Variants in IFT74 observed in about 807,000 individuals in gnomAD.
IFT74 encodes intraflagellar transport protein 74 homolog.
In IFT74, 92 loss-of-function variants were observed where a neutral mutation model predicts 96.7. The ratio of observed to expected loss-of-function variants is 0.95; its 90% CI spans 0.80 to 1.13. IFT74 has a LOEUF of 1.13. IFT74 is among the 50% of genes most tolerant of loss of function. The probability of loss-of-function intolerance (pLI) is 0.00; values close to 1 mark genes in which losing one functional copy is unlikely to be tolerated. For missense variants in IFT74, 811 were observed against 698.2 expected, an observed-to-expected ratio of 1.16 and a Z score of -1.82; for synonymous variants, 223 against 213.2, an observed-to-expected ratio of 1.05 and a Z score of -0.40.
At chr9:26,957,860 C>G (rs1420350279) in intron 1 of IFT74, among the ~76,000 whole-genome samples, 2 of 151,578 alleles carry the variant, frequency 1.3e-5, no homozygotes, top group Non-Finnish European at 2.9e-5. Context: ...GTGGCGCGAT[C>G]TCGGCTCACT....
At chr9:27,024,884 C>A (rs545635908) in intron 12 of IFT74, among the ~76,000 whole-genome samples, 1 of 150,426 alleles carries the variant, frequency 6.6e-6, no homozygotes, top group South Asian at 2.1e-4. Context: ...AAAGTTTCAA[C>A]GATAGAATCA....
At chr9:27,058,505 C>G (rs1820274302) in intron 18 of IFT74, among the ~76,000 whole-genome samples, 1 of 152,176 alleles carries the variant, frequency 6.6e-6, no homozygotes, top group Non-Finnish European at 1.5e-5. Context: ...CCTGCCTCAG[C>G]CTCCCAAGTA....
chr9:26,999,335 T>G (rs1283290844), intron 8 of IFT74, among the ~76,000 whole-genome samples: 1 of 152,156 alleles, frequency 6.6e-6, no homozygotes, highest in Non-Finnish European at 1.5e-5. Context: ...TAAAAAAAAG[T>G]TTCCTACATT....
intron 14 of IFT74, 80 bp downstream of exon 14, chr9:27,044,875 T>C (rs1385824172): frequency 6.4e-6 from 5 of 782,888 alleles, no homozygotes; most frequent in Non-Finnish European, 1.0e-5. Flanking sequence ...GACCTCATTT[T>C]GGGCAGATAT....
chr9:27,000,288 G>T (rs1456714116), intron 8 of IFT74, among the ~76,000 whole-genome samples: 1 of 152,070 alleles, frequency 6.6e-6, no homozygotes, highest in African/African-American at 2.4e-5. Flanking sequence ...CAATTTAAGT[G>T]GTTGTAAATT....
intron 8 of IFT74, among the ~76,000 whole-genome samples, chr9:27,006,922 T>C (rs554680705): frequency 2.6e-3 from 380 of 146,296 alleles, no homozygotes; most frequent in African/African-American, 7.1e-3. Flanking sequence ...CTGCAAGCTC[T>C]GCCTCCCGGG....
intron 8 of IFT74, among the ~76,000 whole-genome samples, chr9:27,001,557 T>C (rs1828492647): frequency 6.6e-6 from 1 of 152,168 alleles, no homozygotes. Context: ...CCTGAGTGAT[T>C]ACTGATGTTG....
intron 1 of IFT74, among the ~76,000 whole-genome samples, chr9:26,959,717 T>A (rs2131473191): frequency 6.6e-6 from 1 of 152,130 alleles, no homozygotes; most frequent in East Asian, 1.9e-4. Flanking sequence ...GGAGTTCAAG[T>A]TGTAATTTTT....
At chr9:26,957,761 CAG>C (rs1826177994) in intron 1 of IFT74, among the ~76,000 whole-genome samples, 1 of 150,524 alleles carries the variant, frequency 6.6e-6, no homozygotes, top group Admixed American at 6.6e-5. Flanking sequence ...AGTGTAGAAA[CAG>C]AGAAATCATT....
rs188489433 is a variant in IFT74 at position 27,063,239 on chromosome 9, T to C, written c.*503T>C. 2.6e-5 allele frequency among the ~76,000 whole-genome samples: 4 copies of C among 152,276 alleles called. No homozygotes were observed. Among genetic ancestry groups the C allele is most frequent in the Admixed American group, 6.5e-5 (1 of 15,288 alleles). On this transcript the variant is annotated 3_prime_UTR_variant, in exon 20 of 20. Transcript: ENST00000380062. ...GACCATATAATGTCACAGGTAAATA[T>C]ATAACATATATTCTTTATATAGCAG...
At chr9:27,017,897 T>TCATATGTATATGGGCACAGCTCCAG (rs1268980645) in intron 11 of IFT74, among the ~76,000 whole-genome samples, 1 of 152,200 alleles carries the variant, frequency 6.6e-6, no homozygotes, top group Non-Finnish European at 1.5e-5. Context: ...TAGGAGAACT[T>TCATATGTATATGGGCACAGCTCCAG]CATATGTATA....
intron 2 of IFT74, chr9:26,976,742 A>C (rs1200986014): frequency 8.8e-6 from 4 of 455,604 alleles, no homozygotes; most frequent in Middle Eastern, 6.5e-4. Flanking sequence ...TTTGAAGAGA[A>C]ACCTTGCCAT....
chr9:26,949,869 G>C (rs969442149), intron 1 of IFT74, among the ~76,000 whole-genome samples: 1 of 152,144 alleles, frequency 6.6e-6, no homozygotes, highest in African/African-American at 2.4e-5. Flanking sequence ...TGTGTCTGTT[G>C]GTCTGCCAAA....
At chr9:27,043,077 A>C (rs1374927754) in intron 13 of IFT74, among the ~76,000 whole-genome samples, 1 of 152,188 alleles carries the variant, frequency 6.6e-6, no homozygotes, top group Non-Finnish European at 1.5e-5. Context: ...TGATCATTTG[A>C]ACTGAGTAGT....
chr9:26,964,791 A>T (rs932683759), intron 2 of IFT74, among the ~76,000 whole-genome samples: 8 of 152,164 alleles, frequency 5.3e-5, no homozygotes, highest in Non-Finnish European at 1.0e-4. Flanking sequence ...CTCTAATGTA[A>T]AATATGTTAT....
chr9:27,031,629 T>C (rs1045908450), intron 13 of IFT74, among the ~76,000 whole-genome samples: 11 of 148,440 alleles, frequency 7.4e-5, no homozygotes, highest in African/African-American at 2.5e-4. Flanking sequence ...AGATAGGGTC[T>C]TTCTGTCACC....
intron 12 of IFT74, among the ~76,000 whole-genome samples, chr9:27,022,923 C>G (rs1829683236): frequency 6.6e-6 from 1 of 152,072 alleles, no homozygotes; most frequent in African/African-American, 2.4e-5. Context: ...CAGGCATGAG[C>G]CACCGCGCCC....
intron 4 of IFT74, among the ~76,000 whole-genome samples, chr9:26,982,802 G>A (rs186985542): frequency 1.2e-4 from 18 of 152,152 alleles, no homozygotes; most frequent in Non-Finnish European, 2.5e-4. Context: ...ATTTTGGCCA[G>A]GCTAGTCTTG....
chr9:27,034,168 T>C (rs1830253181), intron 13 of IFT74, among the ~76,000 whole-genome samples: 1 of 152,210 alleles, frequency 6.6e-6, no homozygotes, highest in African/African-American at 2.4e-5. Context: ...ATTCAAGTAT[T>C]TTCCCAAATG....
Sources: gnomAD v4.1 joint callset for allele counts (sites outside exome capture counted in the v4.1 genomes callset) on GRCh38, gnomAD v4.1.1 for gene constraint, MANE v1.5 for transcripts, NCBI Gene and HGNC (gene_info 2026-07-23, HGNC 2026-07-21) for gene names.